Variants in SLC35E3 observed in about 807,000 individuals in gnomAD.
The protein encoded by SLC35E3 is bladder cancer-overexpressed gene 1 protein.
A neutral mutation model predicts 30.8 loss-of-function variants in SLC35E3; 28 were observed. The ratio of observed to expected loss-of-function variants is 0.91; its 90% confidence interval spans 0.67 to 1.25. The LOEUF (loss-of-function observed/expected upper bound fraction) is 1.25. Among genes scored for constraint, SLC35E3 ranks in the 50% most tolerant of loss-of-function variants. The probability of loss-of-function intolerance (pLI) is 0.00; values close to 1 mark genes in which losing one functional copy is unlikely to be tolerated. For synonymous variants in SLC35E3, 146 were observed against 149.2 expected (o/e 0.98, Z 0.16); for missense variants, 365 against 375.4 (o/e 0.97, Z 0.23).
chr12:68,748,287 T>C (rs1298768337), intron 2 of SLC35E3, among the ~76,000 whole-genome samples: 1 of 152,158 alleles, frequency 6.6e-6, no homozygotes. Flanking sequence ...CAGCTTGGGG[T>C]GAAGTTATTT....
chr12:68,763,365 T>TTGTGTG (rs754969282), intron 4 of SLC35E3, among the ~76,000 whole-genome samples: 3 of 150,726 alleles, frequency 2.0e-5, no homozygotes, highest in African/African-American at 7.3e-5. Context: ...ATATAAGTAA[T>TTGTGTG]TGTGTGTGTG....
rs1348233053 is a variant in SLC35E3, at chr12:68,771,009, C to T, written c.*6119C>T. On this transcript the variant is annotated 3_prime_UTR_variant, in exon 5 of 5. Transcript: ENST00000398004. Reference sequence around the variant, plus strand: ...AAGATGTTGGCCAGGCATGGTGGCTCAGGCTTGTAATCCCAGCACTTTGGG... The same window carrying T: ...AAGATGTTGGCCAGGCATGGTGGCTTAGGCTTGTAATCCCAGCACTTTGGG... 6.5e-6 allele frequency: 1 copy of T among 154,868 alleles called. No homozygotes were observed. The highest frequency in any genetic ancestry group is 1.4e-5 in the Non-Finnish European group (1 of 69,870). The allele number at this position is 154,868 out of a possible 1,614,324, so 9.6% of individuals were successfully genotyped here. A position where few individuals can be genotyped will look rare whatever the true frequency, so the allele number is the denominator to read the frequency against.
chr12:68,750,704 A>G (rs948376966), intron 2 of SLC35E3, among the ~76,000 whole-genome samples: 3 of 152,136 alleles, frequency 2.0e-5, no homozygotes, highest in Admixed American at 2.0e-4. Context: ...GTGAGCACAC[A>G]CCCTCTGTAT....
Position 68,766,421 on chromosome 12 carries a change from G to A in SLC35E3, c.*1531G>A, listed in dbSNP as rs1051544829. 1 of 155,942 alleles carries A rather than the reference G, an allele frequency of 6.4e-6. No homozygotes were observed. The highest frequency in any genetic ancestry group is 2.4e-5 in the African/African-American group (1 of 41,058). 9.7% of individuals were successfully genotyped at this position (155,942 alleles called of 1,614,324 possible). On this transcript the variant is annotated 3_prime_UTR_variant, in exon 5 of 5. Transcript: ENST00000398004. ...GAATCGCTTGAACCCAGGAGGCAGA[G>A]GTTGTGGTGAGCCGAGATCATGCCA... is the stretch of plus-strand genomic sequence containing the variant.
At chr12:68,758,651 A>T (rs1356431634) in intron 3 of SLC35E3, among the ~76,000 whole-genome samples, 1 of 150,818 alleles carries the variant, frequency 6.6e-6, no homozygotes, top group African/African-American at 2.4e-5. Flanking sequence ...TGTGGAAAAA[A>T]TTACGTTTTT....
At chr12:68,756,808 G>A (rs1396180710) in intron 3 of SLC35E3, among the ~76,000 whole-genome samples, 1 of 152,146 alleles carries the variant, frequency 6.6e-6, no homozygotes, top group Non-Finnish European at 1.5e-5. Context: ...GAGACTAGCC[G>A]AGACCATCCT....
Position 68,765,886 on chromosome 12 carries a change from A to G in SLC35E3, c.*996A>G, listed in dbSNP as rs996544059. The G allele has an allele frequency of 4.6e-5, 7 of 151,664 alleles. No homozygotes were observed. The highest frequency in any genetic ancestry group is 1.3e-4 in the Admixed American group (2 of 15,200). 9.4% of individuals were successfully genotyped at this position (151,664 alleles called of 1,614,324 possible). ...GGGTTCTCGGTGTTCAAACTCTTCT[A>G]AGGAAGGACACACAGTAGCTCTCTG... On this transcript the variant is annotated 3_prime_UTR_variant, in exon 5 of 5. Coordinates refer to ENST00000398004, the MANE Select transcript of SLC35E3 (RefSeq NM_018656.5).
chr12:68,751,258 C>G (rs1445333310), intron 2 of SLC35E3, among the ~76,000 whole-genome samples: 2 of 151,704 alleles, frequency 1.3e-5, no homozygotes, highest in Non-Finnish European at 2.9e-5. Context: ...TCTAACCTGC[C>G]CCCATGCCCC....
Position 68,746,536 on chromosome 12 carries a change from C to T in SLC35E3, c.159C>T (p.Val53=), listed in dbSNP as rs367708002. The T allele has an allele frequency of 2.9e-4, 464 of 1,614,116 alleles. No homozygotes were observed. The highest frequency in any genetic ancestry group is 3.9e-4 in the Non-Finnish European group (456 of 1,180,036). The change falls in exon 1 of 5, where the codon GTC becomes GTT. Residue 53 remains valine (V), a synonymous_variant. Coordinates refer to ENST00000398004, the MANE Select transcript of SLC35E3 (RefSeq NM_018656.5). Reference sequence around the variant, plus strand: ...GCCTGACCCTGGTGCACTTCGTGGTCACCTGGCTGGGCTTGTATATCTGCC... The same window carrying T: ...GCCTGACCCTGGTGCACTTCGTGGTTACCTGGCTGGGCTTGTATATCTGCC... ...NMSLTLVHFV[V]TWLGLYICQK...
rs1366761481 is a variant in SLC35E3, at chr12:68,771,408, G to A, written c.*6518G>A. 1.3e-5 allele frequency: 2 copies of A among 152,184 alleles called. No homozygotes were observed. Among genetic ancestry groups the A allele is most frequent in the African/African-American group, 4.8e-5 (2 of 41,446 alleles). 9.4% of individuals were successfully genotyped at this position (152,184 alleles called of 1,614,324 possible). On this transcript the variant is annotated 3_prime_UTR_variant, in exon 5 of 5. Coordinates refer to ENST00000398004, the MANE Select transcript of SLC35E3 (RefSeq NM_018656.5). ...GATAAGGAGGAAAACAGACCAAGAT[G>A]AGCTTGCTGAAGAAGATAGCATAAA...
At chr12:68,761,273 G>A (rs926190298) in intron 4 of SLC35E3, among the ~76,000 whole-genome samples, 10 of 152,276 alleles carry the variant, frequency 6.6e-5, no homozygotes, top group Admixed American at 3.9e-4. Flanking sequence ...CAGTGGGCCG[G>A]GCACAATGGC....
intron 3 of SLC35E3, among the ~76,000 whole-genome samples, chr12:68,758,688 T>C (rs1256484406): frequency 1.3e-5 from 2 of 151,736 alleles, no homozygotes; most frequent in Admixed American, 1.3e-4. Context: ...TCTGCTTTTT[T>C]ACTTGCAATT....
intron 3 of SLC35E3, among the ~76,000 whole-genome samples, chr12:68,753,681 C>T (rs1050744033): frequency 1.3e-5 from 2 of 151,978 alleles, no homozygotes; most frequent in African/African-American, 4.8e-5. Context: ...CCTAGCCACA[C>T]ACTCTTCCAC....
intron 3 of SLC35E3, among the ~76,000 whole-genome samples, chr12:68,756,301 T>TTA (rs1555181730): frequency 6.8e-5 from 8 of 117,128 alleles, no homozygotes; most frequent in African/African-American, 2.6e-4. Context: ...GAAAAGCCAT[T>TTA]AAAAAAAAAA....
At chr12:68,753,405 A>G (rs1878878938) in intron 3 of SLC35E3, among the ~76,000 whole-genome samples, 2 of 151,862 alleles carry the variant, frequency 1.3e-5, no homozygotes, top group South Asian at 4.2e-4. Flanking sequence ...GTGAGCCAAG[A>G]TAGCACCACT....
rs527550544 is a variant in SLC35E3, at chr12:68,770,245, C to T, written c.*5355C>T. 2 of 152,234 alleles carry T rather than the reference C, an allele frequency of 1.3e-5. No individual in the cohort carries two copies. The highest frequency in any genetic ancestry group is 2.1e-4 in the South Asian group (1 of 4,822). 9.4% of individuals were successfully genotyped at this position (152,234 alleles called of 1,614,324 possible). A position where few individuals can be genotyped will look rare whatever the true frequency, so the allele number is the denominator to read the frequency against. The stretch of plus-strand genomic sequence containing the variant: ...GTGGGGAGACATGGTGTGTCCTGCA[C>T]CTGGAAATGTAGATAGACCTCAGGC... On this transcript the variant is annotated 3_prime_UTR_variant, in exon 5 of 5. Transcript: ENST00000398004.
chr12:68,760,928 A>T (rs752240574), intron 4 of SLC35E3, among the ~76,000 whole-genome samples: 3 of 152,252 alleles, frequency 2.0e-5, no homozygotes, highest in Non-Finnish European at 4.4e-5. Context: ...CATAGACAGC[A>T]TTGAAGTTCT....
chr12:68,757,028 AT>A (rs1345685117), intron 3 of SLC35E3, among the ~76,000 whole-genome samples: 1 of 152,230 alleles, frequency 6.6e-6, no homozygotes, highest in African/African-American at 2.4e-5. Context: ...AAATAAATAA[AT>A]AATGGCATGA....
chr12:68,748,641 A>C (rs773315045), intron 2 of SLC35E3, among the ~76,000 whole-genome samples: 13 of 152,122 alleles, frequency 8.5e-5, no homozygotes, highest in Non-Finnish European at 1.9e-4. Context: ...ATGTTCATGG[A>C]TTCACTTACT....
Sources: gnomAD v4.1 joint callset for allele counts (sites outside exome capture counted in the v4.1 genomes callset) on GRCh38, gnomAD v4.1.1 for gene constraint, MANE v1.5 for transcripts, NCBI Gene and HGNC (gene_info 2026-07-23, HGNC 2026-07-21) for gene names.